KLHDC1: variants seen among roughly 807,000 people sequenced by gnomAD.
The protein encoded by KLHDC1 is kelch domain containing 1.
Under a neutral mutation model 68.3 loss-of-function variants are expected in KLHDC1, and 53 were observed. The ratio of observed to expected loss-of-function variants is 0.78; its 90% CI spans 0.62 to 0.98. The LOEUF is 0.98. Among genes scored for constraint, KLHDC1 ranks in the 50% least tolerant of loss-of-function variants. The pLI is 0.00. For missense variants in KLHDC1, 470 were observed against 492.3 expected (o/e 0.95, Z 0.43); for synonymous variants, 148 against 159.0 (o/e 0.93, Z 0.52).
chr14:49,699,140 G>T (rs1210409327), intron 1 of KLHDC1, among the ~76,000 whole-genome samples: 1 of 145,724 alleles, frequency 6.9e-6, no homozygotes, highest in African/African-American at 2.5e-5. Flanking sequence ...CTCCAGTCTG[G>T]GTGATAGAGC....
At chr14:49,731,298 C>T (rs1162304936) in intron 8 of KLHDC1, among the ~76,000 whole-genome samples, 1 of 151,948 alleles carries the variant, frequency 6.6e-6, no homozygotes, top group African/African-American at 2.4e-5. Flanking sequence ...AAAAAAGTTT[C>T]TTATAAACAA....
At chr14:49,712,043 G>A (rs957066526) in intron 4 of KLHDC1, among the ~76,000 whole-genome samples, 7 of 147,034 alleles carry the variant, frequency 4.8e-5, no homozygotes, top group South Asian at 2.2e-4. Context: ...TCAGCCTCCC[G>A]AGTAGCTGGG....
Position 49,729,016 on chromosome 14 carries a change from G to A in KLHDC1, c.651+7G>A, listed in dbSNP as rs1238799621. 1 of 1,588,088 alleles carries A rather than the reference G, an allele frequency of 6.3e-7. No homozygotes were observed. The highest frequency in any genetic ancestry group is 1.3e-5 in the African/African-American group (1 of 74,580). ...CTTTGGCGGACGTGTTCTGGTTAGT[G>A]TTTTTAATGGAAATGGTATTTTTAT... On this transcript the variant is annotated splice_region_variant and intron_variant, in intron 7 of 12. Coordinates refer to ENST00000359332, the MANE Select transcript of KLHDC1 (RefSeq NM_172193.3).
chr14:49,747,096 G>A (rs12433093), intron 12 of KLHDC1, among the ~76,000 whole-genome samples: 34,658 of 151,638 alleles, frequency 0.23, 4,668 homozygotes, highest in Admixed American at 0.34. Context: ...ACAGGTGCCC[G>A]CCACCACACC....
At chr14:49,751,207 T>C (rs1889313045) in intron 12 of KLHDC1, 1 of 152,368 alleles carries the variant, frequency 6.6e-6, no homozygotes, top group Non-Finnish European at 1.5e-5. Flanking sequence ...GCTATAAAAA[T>C]ATATGATTAT....
intron 2 of KLHDC1, 25 bp downstream of exon 2, chr14:49,709,254 G>A: frequency 2.0e-6 from 2 of 983,850 alleles, no homozygotes; most frequent in Non-Finnish European, 1.6e-6. Context: ...ATTGCATACT[G>A]TCTGATCTTA....
chr14:49,700,000 A>T, intron 1 of KLHDC1: 1 of 350,444 alleles, frequency 2.9e-6, no homozygotes. Flanking sequence ...TATTTCTGTA[A>T]TACAATTGAT....
At chr14:49,713,485 T>G (rs550121841) in intron 4 of KLHDC1, among the ~76,000 whole-genome samples, 4 of 152,254 alleles carry the variant, frequency 2.6e-5, no homozygotes, top group African/African-American at 4.8e-5. Context: ...AAAATCAGGA[T>G]AAATGCTTGA....
chr14:49,712,471 GGGA>G (rs1235575633), intron 4 of KLHDC1, among the ~76,000 whole-genome samples: 3 of 151,536 alleles, frequency 2.0e-5, no homozygotes, highest in Non-Finnish European at 4.4e-5. Context: ...CTGTTGGTTT[GGGA>G]GCAAATAAAA....
chr14:49,728,732 T>C (rs534903155), intron 6 of KLHDC1, among the ~76,000 whole-genome samples, 194 bp from the exon 7 acceptor site: 2 of 152,344 alleles, frequency 1.3e-5, no homozygotes, highest in African/African-American at 4.8e-5. Flanking sequence ...TCAGGGAGAA[T>C]AAAATGTATT....
intron 4 of KLHDC1, among the ~76,000 whole-genome samples, chr14:49,715,691 T>G (rs1213900764): frequency 1.3e-4 from 18 of 138,714 alleles, no homozygotes; most frequent in African/African-American, 4.9e-4. Context: ...GTTGCAGTGA[T>G]CTGAGGTTGT....
intron 6 of KLHDC1, among the ~76,000 whole-genome samples, chr14:49,726,523 AT>A (rs1888675505): frequency 1.3e-5 from 2 of 152,226 alleles, no homozygotes; most frequent in African/African-American, 4.8e-5. Flanking sequence ...TCATGCCCTG[AT>A]TTAATAAAGG....
intron 4 of KLHDC1, 129 bp downstream of exon 4, chr14:49,710,510 T>G (rs1253901199): frequency 1.7e-6 from 1 of 585,466 alleles, no homozygotes; most frequent in African/African-American, 1.9e-5. Flanking sequence ...ATAATCAATA[T>G]CTGACAATGC....
chr14:49,735,209 CTAT>C (rs1478110463), intron 10 of KLHDC1, among the ~76,000 whole-genome samples: 3 of 151,762 alleles, frequency 2.0e-5, no homozygotes, highest in African/African-American at 4.8e-5. Context: ...AAATTATATA[CTAT>C]TATTAAACTA....
intron 1 of KLHDC1, chr14:49,700,260 C>CA (rs1887866524): frequency 5.8e-6 from 1 of 171,790 alleles, no homozygotes; most frequent in Non-Finnish European, 1.3e-5. Flanking sequence ...CTCCTGACCT[C>CA]AATTGATCCA....
At chr14:49,729,688 A>G in intron 8 of KLHDC1, 140 bp downstream of exon 8, 1 of 566,704 alleles carries the variant, frequency 1.8e-6, no homozygotes. Context: ...GACTATATAG[A>G]TTTAAATAGA....
chr14:49,713,385 A>G (rs1048352549), intron 4 of KLHDC1, among the ~76,000 whole-genome samples: 8 of 152,162 alleles, frequency 5.3e-5, no homozygotes, highest in Non-Finnish European at 1.2e-4. Context: ...TTCTAATTCT[A>G]TTATTTGTTC....
chr14:49,693,558 C>A (rs185154145), intron 1 of KLHDC1, among the ~76,000 whole-genome samples: 11 of 151,874 alleles, frequency 7.2e-5, no homozygotes, highest in Admixed American at 2.0e-4. Flanking sequence ...ATTCAGTAAC[C>A]ACGGTTTGCC....
intron 1 of KLHDC1, 99 bp downstream of exon 1, chr14:49,693,389 G>A: frequency 1.2e-6 from 1 of 839,192 alleles, no homozygotes; most frequent in Non-Finnish European, 1.6e-6. Context: ...CTGCGGCCCA[G>A]GCCTGGCGCG....
Sources: allele counts gnomAD v4.1 joint callset (sites outside exome capture counted in the v4.1 genomes callset), GRCh38; gene constraint gnomAD v4.1.1; transcripts MANE v1.5; gene names NCBI Gene and HGNC (gene_info 2026-07-23, HGNC 2026-07-21).